DICER1: variants seen among roughly 807,000 people sequenced by gnomAD.
The protein encoded by DICER1 is endoribonuclease Dicer.
A neutral mutation model predicts 194.1 loss-of-function variants in DICER1; 43 were observed. That is an observed-to-expected ratio of 0.22 (90% CI 0.17 to 0.29). DICER1 has a LOEUF of 0.29. DICER1 is among the 10% of genes least tolerant of loss of function. The probability of loss-of-function intolerance (pLI) is 1.00; values close to 1 mark genes in which losing one functional copy is unlikely to be tolerated. For missense variants in DICER1, 1,608 were observed against 2,317.0 expected (o/e 0.69, Z 6.28); for synonymous variants, 832 against 820.5 (o/e 1.01, Z -0.24).
chr14:95,109,240 C>T (rs1891737168), intron 14 of DICER1, among the ~76,000 whole-genome samples: 1 of 152,168 alleles, frequency 6.6e-6, no homozygotes, highest in Admixed American at 6.5e-5. Context: ...TAACACAATC[C>T]TTCAGATTAT....
chr14:95,154,581 A>C (rs1374337368), intron 1 of DICER1, among the ~76,000 whole-genome samples: 1 of 152,234 alleles, frequency 6.6e-6, no homozygotes, highest in Non-Finnish European at 1.5e-5. Context: ...TGGAGACACT[A>C]TGCTGGGTAA....
intron 1 of DICER1, among the ~76,000 whole-genome samples, chr14:95,153,328 T>G (rs1049113254): frequency 6.6e-6 from 1 of 152,172 alleles, no homozygotes; most frequent in African/African-American, 2.4e-5. Flanking sequence ...GTCAACAGCC[T>G]GAATGAGACA....
chr14:95,130,910 AG>A (rs1893896010), intron 4 of DICER1, among the ~76,000 whole-genome samples: 1 of 152,274 alleles, frequency 6.6e-6, no homozygotes, highest in African/African-American at 2.4e-5. Context: ...ATTTTTTGAA[AG>A]CGCATTATCA....
At chr14:95,139,515 A>C (rs904910240) in intron 1 of DICER1, among the ~76,000 whole-genome samples, 3 of 152,242 alleles carry the variant, frequency 2.0e-5, no homozygotes, top group Non-Finnish European at 2.9e-5. Context: ...ATAGACACAC[A>C]TACACAACAT....
At chr14:95,103,227 G>A in intron 21 of DICER1, 119 bp downstream of exon 21, 1 of 1,139,668 alleles carries the variant, frequency 8.8e-7, no homozygotes, top group Non-Finnish European at 1.3e-6. Context: ...GCTGTGCTTG[G>A]CCGGTGTAGC....
In DICER1 at chr14:95,096,321, T is replaced by G. The variant is rs777054659; in HGVS notation, c.4599A>C (p.Glu1533Asp). Residue 1533 changes from glutamate (E) to aspartate (D), a missense_variant, in exon 23 of 27, where the codon GAA becomes GAC. Glu to Asp is a conservative substitution (Grantham distance 45). Around this residue, in one of 10 missense-constraint regions of DICER1, gnomAD observed 164 missense variants for 183.7 expected, o/e 0.89. Transcript: ENST00000343455. ...FVVGFWNPSE[E>D]NCGVDTGKQS... is the part of the protein sequence containing the mutation. Reference sequence around the variant, plus strand: ...GCTTTCCCGTGTCAACACCACAGTTTTCTTCTGATGGATTCCAGAACCCCA... The same window carrying G: ...GCTTTCCCGTGTCAACACCACAGTTGTCTTCTGATGGATTCCAGAACCCCA... The G allele has an allele frequency of 1.2e-6, 2 of 1,614,224 alleles. No homozygotes were observed. Among genetic ancestry groups the G allele is most frequent in the East Asian group, 2.2e-5 (1 of 44,882 alleles).
At chr14:95,090,752 A>G in intron 26 of DICER1, 89 bp from the exon 27 acceptor site, 1 of 1,463,400 alleles carries the variant, frequency 6.8e-7, no homozygotes. Flanking sequence ...TCAGGCCAGG[A>G]GTCCCATGTA....
intron 10 of DICER1, among the ~76,000 whole-genome samples, chr14:95,116,030 A>G (rs1171071065): frequency 6.6e-6 from 1 of 151,690 alleles, no homozygotes; most frequent in Admixed American, 6.6e-5. Flanking sequence ...CATATGGTAC[A>G]AAGTCTATAC....
chr14:95,130,014 C>G, intron 5 of DICER1, 44 bp downstream of exon 5: 1 of 1,589,926 alleles, frequency 6.3e-7, no homozygotes, highest in Non-Finnish European at 8.6e-7. Flanking sequence ...TGCATTTACT[C>G]AATAGTTTAC....
At chr14:95,156,526 C>G (rs1386461671) in intron 1 of DICER1, among the ~76,000 whole-genome samples, 3 of 152,244 alleles carry the variant, frequency 2.0e-5, no homozygotes, top group Non-Finnish European at 4.4e-5. Context: ...ATCAGGGCAA[C>G]TCAGCTTTTC....
chr14:95,120,259 G>A (rs1445653605), intron 8 of DICER1, among the ~76,000 whole-genome samples: 2 of 152,122 alleles, frequency 1.3e-5, no homozygotes, highest in South Asian at 2.1e-4. Flanking sequence ...ACTAAAAAAA[G>A]ATCACTGACA....
chr14:95,112,766 T>C (rs1438565899), intron 12 of DICER1, among the ~76,000 whole-genome samples: 2 of 152,214 alleles, frequency 1.3e-5, no homozygotes, highest in African/African-American at 2.4e-5. Context: ...TAAGCCACAG[T>C]TGAATGATTC....
chr14:95,138,986 T>TAAAAAAAAAAAAAAAAAAAAA (rs1289692370), intron 1 of DICER1, among the ~76,000 whole-genome samples: 1 of 31,688 alleles, frequency 3.2e-5, no homozygotes, highest in African/African-American at 1.6e-4. Context: ...TAAAAATAAA[T>TAAAAAAAAAAAAAAAAAAAAA]AAAAAAATAA....
Position 95,104,001 on chromosome 14 carries a change from G to C in DICER1, c.3395C>G (p.Ala1132Gly), listed in dbSNP as rs2139969596. ...CKHSTIVPEN[A>G]AHQGANRTSS... ...GGTTCTATTAGCACCTTGATGTGCAGCATTTTCAGGGACAATTGTGCTGTG... is the reference window on the plus strand; with the variant it reads ...GGTTCTATTAGCACCTTGATGTGCACCATTTTCAGGGACAATTGTGCTGTG... The change falls in exon 21 of 27, where the codon GCT becomes GGT. Residue 1132 changes from alanine (A) to glycine (G), a missense_variant. Transcript: ENST00000343455. 6.2e-7 allele frequency: 1 copy of C among 1,614,194 alleles called. No homozygotes were observed. The highest frequency in any genetic ancestry group is 8.5e-7 in the Non-Finnish European group (1 of 1,180,018).
rs1270511158 is a variant in DICER1, at chr14:95,146,203, G to T, written c.-46+11027C>A. On this transcript the variant is annotated intron_variant, in intron 1 of 26. Coordinates refer to ENST00000343455, the MANE Select transcript of DICER1 (RefSeq NM_177438.3). ...AAGGTCGAGATACACAGTATTTTTT[G>T]TTTGTTTTTCAAGAGAACTACAAGT... Among the ~76,000 whole-genome samples, 6 of 152,138 alleles carry T rather than the reference G, an allele frequency of 3.9e-5. No individual in the cohort carries two copies. The South Asian group carries it at 1.2e-3, about 32-fold the overall frequency.
chr14:95,110,473 G>A (rs1247985209), intron 14 of DICER1, among the ~76,000 whole-genome samples: 1 of 152,168 alleles, frequency 6.6e-6, no homozygotes, highest in African/African-American at 2.4e-5. Flanking sequence ...GCAGACATGA[G>A]GAGAATGTGC....
intron 8 of DICER1, among the ~76,000 whole-genome samples, chr14:95,121,185 A>C (rs952962989): frequency 2.0e-5 from 3 of 152,210 alleles, no homozygotes; most frequent in African/African-American, 7.2e-5. Flanking sequence ...GAAGACTGTC[A>C]AGGTCATCAA....
chr14:95,123,167 A>G (rs1032215293), intron 8 of DICER1, among the ~76,000 whole-genome samples: 2 of 152,196 alleles, frequency 1.3e-5, no homozygotes, highest in Admixed American at 6.5e-5. Context: ...CAAAAGGACC[A>G]TACATTAAGT....
chr14:95,123,580 C>T (rs1196381550), intron 8 of DICER1, among the ~76,000 whole-genome samples: 3 of 152,082 alleles, frequency 2.0e-5, no homozygotes, highest in East Asian at 3.8e-4. Context: ...ACACCACCAC[C>T]GGCTAATTTT....
Sources: allele counts gnomAD v4.1 joint callset (sites outside exome capture counted in the v4.1 genomes callset), GRCh38; gene constraint gnomAD v4.1.1; regional missense constraint gnomAD v4.1.1; transcripts MANE v1.5; gene names NCBI Gene and HGNC (gene_info 2026-07-23, HGNC 2026-07-21).